The following PDZRN4 variants were observed in gnomAD, a reference collection of about 807,000 sequenced individuals.
PDZRN4 encodes the protein PDZ domain containing ring finger 4.
Under a neutral mutation model 99.0 loss-of-function variants are expected in PDZRN4, and 70 were observed. The ratio of observed to expected loss-of-function variants is 0.71; its 90% CI spans 0.58 to 0.86. The LOEUF (loss-of-function observed/expected upper bound fraction) is 0.86, where lower values mean the gene tolerates loss of function less well. Ranked by LOEUF, PDZRN4 falls within the 40% of genes least tolerant of loss-of-function variation. PDZRN4 has a pLI of 0.00. For missense variants in PDZRN4, 1,474 were observed against 1,331.2 expected, an observed-to-expected ratio of 1.11 and a Z score of -1.67; for synonymous variants, 551 against 501.6, an observed-to-expected ratio of 1.10 and a Z score of -1.32.
chr12:41,564,786 A>G (rs573621349), intron 8 of PDZRN4, among the ~76,000 whole-genome samples: 2 of 152,112 alleles, frequency 1.3e-5, no homozygotes, highest in African/African-American at 4.8e-5. Context: ...TACATATGAA[A>G]TTATACCAAT....
rs947956225 is a variant in PDZRN4 at position 41,445,969 on chromosome 12, A to T, written c.844-60487A>T. ...CCTGTCCCATCTCCATCTCCCTTCCAGCTGTATTCATTTCTTCTTTATTAA... is the reference window on the plus strand; with the variant it reads ...CCTGTCCCATCTCCATCTCCCTTCCTGCTGTATTCATTTCTTCTTTATTAA... On this transcript the variant is annotated intron_variant, in intron 3 of 9. Coordinates refer to ENST00000402685, the MANE Select transcript of PDZRN4 (RefSeq NM_001164595.2). 5.9e-5 allele frequency among the ~76,000 whole-genome samples: 9 copies of T among 152,046 alleles called. No homozygotes were observed. In the East Asian group the frequency reaches 1.7e-3, roughly 29 times the overall value.
chr12:41,466,105 T>C (rs771891196), intron 3 of PDZRN4, among the ~76,000 whole-genome samples: 10 of 152,220 alleles, frequency 6.6e-5, no homozygotes, highest in Non-Finnish European at 1.5e-4. Context: ...ATAAGCCATA[T>C]TAAATCCAGG....
chr12:41,304,889 G>A (rs1951559174), intron 3 of PDZRN4, among the ~76,000 whole-genome samples: 1 of 152,192 alleles, frequency 6.6e-6, no homozygotes, highest in African/African-American at 2.4e-5. Context: ...ACTGCATACT[G>A]CATAACATAC....
At chr12:41,315,925 C>T (rs912033778) in intron 3 of PDZRN4, among the ~76,000 whole-genome samples, 2 of 152,136 alleles carry the variant, frequency 1.3e-5, no homozygotes, top group Non-Finnish European at 2.9e-5. Flanking sequence ...CCCACCTTCA[C>T]TCTCAGTGAC....
rs1190807521 is a variant in PDZRN4 at position 41,234,753 on chromosome 12, A to G, written c.843+40565A>G. Reference sequence around the variant, plus strand: ...AATGTGTCCTTTAAAAGTTGGTTGGATGAGAGCTGTATTTTCTAGCTCATT... The same window carrying G: ...AATGTGTCCTTTAAAAGTTGGTTGGGTGAGAGCTGTATTTTCTAGCTCATT... On this transcript the variant is annotated intron_variant, in intron 3 of 9. Transcript: ENST00000402685. Among the ~76,000 whole-genome samples the G allele has an allele frequency of 2.0e-5, 3 of 152,144 alleles. No individual in the cohort carries two copies. In the East Asian group the frequency reaches 5.8e-4, roughly 29 times the overall value.
At chr12:41,353,227 G>A (rs1951903694) in intron 3 of PDZRN4, among the ~76,000 whole-genome samples, 1 of 151,960 alleles carries the variant, frequency 6.6e-6, no homozygotes, top group Admixed American at 6.6e-5. Context: ...ATAACTTAAT[G>A]GGTTGATGGT....
rs541304635 is a variant in PDZRN4 at position 41,241,293 on chromosome 12, A to G, written c.843+47105A>G. 2.6e-5 allele frequency among the ~76,000 whole-genome samples: 4 copies of G among 152,324 alleles called. No homozygotes were observed. In the South Asian group the frequency reaches 8.3e-4, roughly 32 times the overall value. ...TATGAATACTCAATCTGTGCAGATA[A>G]AGGATACCAGGGATTAAGATCTGGA... On this transcript the variant is annotated intron_variant, in intron 3 of 9. Transcript: ENST00000402685.
intron 3 of PDZRN4, among the ~76,000 whole-genome samples, chr12:41,265,441 A>C (rs535618910): frequency 1.3e-5 from 2 of 152,362 alleles, no homozygotes; most frequent in East Asian, 3.9e-4. Flanking sequence ...TTTTACCTTA[A>C]GAAACCATTC....
intron 3 of PDZRN4, among the ~76,000 whole-genome samples, chr12:41,405,135 C>G (rs936869965): frequency 1.3e-5 from 2 of 151,956 alleles, no homozygotes; most frequent in Non-Finnish European, 2.9e-5. Flanking sequence ...AACTAAAGAG[C>G]TTCTGCACAA....
intron 3 of PDZRN4, among the ~76,000 whole-genome samples, chr12:41,285,647 A>G (rs1326867044): frequency 6.6e-6 from 1 of 152,240 alleles, no homozygotes; most frequent in Non-Finnish European, 1.5e-5. Context: ...AATATGGCAC[A>G]TGTACACCAT....
chr12:41,360,034 T>C (rs1951953854), intron 3 of PDZRN4, among the ~76,000 whole-genome samples: 1 of 152,066 alleles, frequency 6.6e-6, no homozygotes, highest in African/African-American at 2.4e-5. Context: ...TGACAACTAT[T>C]GTAAGCATCA....
rs149529973 is a variant in PDZRN4 at position 41,370,785 on chromosome 12, T to C, written c.844-135671T>C. Among the ~76,000 whole-genome samples, 275 of 152,116 alleles carry C rather than the reference T, an allele frequency of 1.8e-3. 9 individuals carry two copies. In the East Asian group the frequency reaches 0.033, roughly 18 times the overall value. ...CTTCTCTTTAATTTCCTCATATCTA[T>C]CTTCCAGTGTATGCATTCCTCACTT... On this transcript the variant is annotated intron_variant, in intron 3 of 9. Transcript: ENST00000402685.
chr12:41,335,491 A>G (rs1951766634), intron 3 of PDZRN4, among the ~76,000 whole-genome samples: 1 of 152,112 alleles, frequency 6.6e-6, no homozygotes. Context: ...TACGTTAATT[A>G]TTGAGTTTTT....
intron 3 of PDZRN4, among the ~76,000 whole-genome samples, chr12:41,344,802 A>G (rs1011550489): frequency 1.3e-5 from 2 of 149,148 alleles, no homozygotes; most frequent in South Asian, 4.2e-4. Flanking sequence ...TTACATAATT[A>G]TCGATAGGGA....
intron 3 of PDZRN4, among the ~76,000 whole-genome samples, chr12:41,316,581 A>G (rs986860004): frequency 6.6e-6 from 1 of 151,982 alleles, no homozygotes; most frequent in Non-Finnish European, 1.5e-5. Flanking sequence ...TGAAAATAAT[A>G]CAAATGTCTA....
Position 41,573,627 on chromosome 12 carries a change from C to A in PDZRN4, c.2848C>A (p.Leu950Met). The change falls in exon 10 of 10, where the codon CTG becomes ATG. Residue 950 changes from leucine to methionine, a missense_variant. Coordinates refer to ENST00000402685, the MANE Select transcript of PDZRN4 (RefSeq NM_001164595.2). ...YWSKEERKQH[L>M]VRAKEQRRRR... is the part of the protein sequence containing the mutation. ...GAGCAAAGAGGAGAGAAAGCAGCAC[C>A]TGGTTAGGGCCAAAGAGCAGCGCCG... 6 of 1,614,022 alleles carry A rather than the reference C, an allele frequency of 3.7e-6. No individual in the cohort carries two copies. The highest frequency in any genetic ancestry group is 5.1e-6 in the Non-Finnish European group (6 of 1,179,986).
chr12:41,572,291 A>C (rs1939495267), intron 9 of PDZRN4, 73 bp from the exon 10 acceptor site: 1 of 1,348,034 alleles, frequency 7.4e-7, no homozygotes, highest in South Asian at 1.5e-5. Flanking sequence ...ATTGGTTTTC[A>C]AACAAGATTT....
chr12:41,443,155 C>A (rs577384535), intron 3 of PDZRN4, among the ~76,000 whole-genome samples: 1 of 152,122 alleles, frequency 6.6e-6, no homozygotes, highest in East Asian at 1.9e-4. Context: ...GAGAAATGCA[C>A]AGTCTGGTAG....
chr12:41,326,447 AAC>A (rs1171921910), intron 3 of PDZRN4, among the ~76,000 whole-genome samples: 1 of 152,194 alleles, frequency 6.6e-6, no homozygotes, highest in African/African-American at 2.4e-5. Context: ...ATTAATTAAA[AAC>A]ACATCTTGAT....
Sources: allele counts gnomAD v4.1 joint callset (sites outside exome capture counted in the v4.1 genomes callset), GRCh38; gene constraint gnomAD v4.1.1; transcripts MANE v1.5; gene names NCBI Gene and HGNC (gene_info 2026-07-23, HGNC 2026-07-21).